The following IL37 variants were observed in gnomAD, a reference collection of about 807,000 sequenced individuals.
IL37 encodes interleukin 37, also known as interleukin-37.
Under a neutral mutation model 15.4 loss-of-function variants are expected in IL37, and 15 were observed. The ratio of observed to expected loss-of-function variants is 0.98; its 90% confidence interval spans 0.65 to 1.50. The LOEUF is 1.50. Ranked by LOEUF, IL37 falls within the 40% of genes most tolerant of loss-of-function variation. IL37 has a pLI of 0.00. For synonymous variants in IL37, 98 were observed against 97.4 expected (o/e 1.01, Z -0.03); for missense variants, 269 against 261.7 (o/e 1.03, Z -0.19).
chr2:112,918,609 C>T lies in IL37; in HGVS notation c.457C>T (p.Pro153Ser), dbSNP rs1386012955. Residue 153 changes from proline to serine, a missense_variant, in exon 6 of 6, where the codon CCC (proline) becomes TCC (serine). Coordinates refer to ENST00000263326, the MANE Select transcript of IL37 (RefSeq NM_014439.4). ...LAAQKESARR[P>S]FIFYRAQVGS... ...TGCCCAAAAGGAATCAGCACGCCGG[C>T]CCTTCATCTTTTATAGGGCTCAGGT... The T allele has an allele frequency of 6.2e-7, 1 of 1,613,612 alleles. No individual in the cohort carries two copies. The highest frequency in any genetic ancestry group is 1.3e-5 in the African/African-American group (1 of 75,028).
At chr2:112,915,832 G>A (rs564287755) in intron 3 of IL37, among the ~76,000 whole-genome samples, 1 of 152,324 alleles carries the variant, frequency 6.6e-6, no homozygotes, top group South Asian at 2.1e-4. Context: ...GGGAGGTGGA[G>A]GATCACGGGT....
rs747713648 is a variant in IL37 at position 112,918,626 on chromosome 2, G to A, written c.474G>A (p.Arg158=). 3 of 1,613,992 alleles carry A rather than the reference G, an allele frequency of 1.9e-6. No homozygotes were observed. The highest frequency in any genetic ancestry group is 2.5e-6 in the Non-Finnish European group (3 of 1,180,034). Residue 158 remains arginine (R), a synonymous_variant, in exon 6 of 6, where the codon AGG becomes AGA. Transcript: ENST00000263326. ...ESARRPFIFY[R]AQVGSWNMLE... ...CACGCCGGCCCTTCATCTTTTATAG[G>A]GCTCAGGTGGGCTCCTGGAACATGC...
At chr2:112,912,559 G>C (rs528672210) in intron 1 of IL37, among the ~76,000 whole-genome samples, 1 of 152,114 alleles carries the variant, frequency 6.6e-6, no homozygotes, top group Non-Finnish European at 1.5e-5. Context: ...TTGTAGCCTC[G>C]AAGCAGCCAG....
In IL37 at chr2:112,918,569, A is replaced by G. The variant is rs1242650552; in HGVS notation, c.417A>G (p.Lys139=). The G allele has an allele frequency of 1.2e-6, 2 of 1,610,238 alleles. No individual in the cohort carries two copies. Among genetic ancestry groups the G allele is most frequent in the Non-Finnish European group, 1.7e-6 (2 of 1,178,572 alleles). Residue 139 remains lysine, a synonymous_variant, in exon 6 of 6, where the codon AAA becomes AAG. Coordinates refer to ENST00000263326, the MANE Select transcript of IL37 (RefSeq NM_014439.4). ...SHPSLQLKKE[K]LMKLAAQKES... ...TCCCTTTTACCTCACAGAAGGAGAA[A>G]CTGATGAAGCTGGCTGCCCAAAAGG... is the stretch of plus-strand genomic sequence containing the variant.
rs753960899 is a variant in IL37, at chr2:112,913,786, C to G, written c.83-6C>G. ...CATATGCTAACCTCACTGCGTCTGA[C>G]TGCAGACCCGGCTGGAAGCCCCCTG... is the stretch of plus-strand genomic sequence containing the variant. On this transcript the variant is annotated splice_region_variant and splice_polypyrimidine_tract_variant and intron_variant, in intron 2 of 5. Transcript: ENST00000263326. 3.1e-6 allele frequency: 5 copies of G among 1,613,408 alleles called. No individual in the cohort carries two copies. In the East Asian group the frequency reaches 1.1e-4, roughly 36 times the overall value.
At chr2:112,916,393 G>A (rs1185007093) in intron 3 of IL37, among the ~76,000 whole-genome samples, 1 of 152,174 alleles carries the variant, frequency 6.6e-6, no homozygotes, top group South Asian at 2.1e-4. Flanking sequence ...ACTCTAGGCA[G>A]GCCTGGCCCA....
intron 3 of IL37, chr2:112,915,377 T>C: frequency 1.2e-6 from 1 of 811,956 alleles, no homozygotes; most frequent in African/African-American, 1.7e-5. Context: ...ATCCATGGTC[T>C]TAAAATGCCA....
rs200874954 is a variant in IL37, at chr2:112,917,286, T to C, written c.265+38T>C. The C allele has an allele frequency of 9.5e-5, 153 of 1,610,044 alleles. No homozygotes were observed. The East Asian group carries it at 3.1e-3, about 33-fold the overall frequency. On this transcript the variant is annotated intron_variant, in intron 4 of 5. Coordinates refer to ENST00000263326, the MANE Select transcript of IL37 (RefSeq NM_014439.4). Reference sequence around the variant, plus strand: ...TTTGGCTGTGTTTTCTGCCTCCACCTAGCAGGGGTAAGGCCTCCTGCTAGG... The same window carrying C: ...TTTGGCTGTGTTTTCTGCCTCCACCCAGCAGGGGTAAGGCCTCCTGCTAGG...
intron 3 of IL37, among the ~76,000 whole-genome samples, chr2:112,914,819 C>T (rs768827423): frequency 2.6e-5 from 4 of 152,192 alleles, no homozygotes; most frequent in East Asian, 1.9e-4. Flanking sequence ...GGTCCTCAAA[C>T]GTCAGCAGCA....
chr2:112,917,126 T>C lies in IL37; in HGVS notation c.146-3T>C. On this transcript the variant is annotated splice_polypyrimidine_tract_variant and splice_region_variant and intron_variant, in intron 3 of 5. Transcript: ENST00000263326. ...GTGTTGATATCTGGTGATATTGATCTAGGTCCAAAGGTGAAGAACTTAAAC... is the reference window on the plus strand; with the variant it reads ...GTGTTGATATCTGGTGATATTGATCCAGGTCCAAAGGTGAAGAACTTAAAC... 1 of 1,613,758 alleles carries C rather than the reference T, an allele frequency of 6.2e-7. No individual in the cohort carries two copies.
rs571756584 is a variant in IL37 at position 112,916,567 on chromosome 2, C to T, written c.146-562C>T. On this transcript the variant is annotated intron_variant, in intron 3 of 5. Coordinates refer to ENST00000263326, the MANE Select transcript of IL37 (RefSeq NM_014439.4). ...TTGCACCGTGCTGGGCTCCTGGGGG[C>T]TTCCTGCCTCCAACCCTCCCAACTC... Among the ~76,000 whole-genome samples the T allele has an allele frequency of 3.3e-5, 5 of 152,300 alleles. No individual in the cohort carries two copies. In the South Asian group the frequency reaches 1.0e-3, roughly 32 times the overall value.
intron 4 of IL37, 39 bp downstream of exon 4, chr2:112,917,287 A>G: frequency 6.2e-7 from 1 of 1,609,970 alleles, no homozygotes; most frequent in Non-Finnish European, 8.5e-7. Context: ...GCCTCCACCT[A>G]GCAGGGGTAA....
chr2:112,913,277 A>G (rs1258235034), intron 2 of IL37, among the ~76,000 whole-genome samples, 183 bp downstream of exon 2: 1 of 152,254 alleles, frequency 6.6e-6, no homozygotes, highest in Admixed American at 6.5e-5. Context: ...GCTTTGCTTC[A>G]GTGTCCAGGC....
chr2:112,914,361 G>C (rs1482455577), intron 3 of IL37, among the ~76,000 whole-genome samples: 1 of 152,166 alleles, frequency 6.6e-6, no homozygotes, highest in Non-Finnish European at 1.5e-5. Flanking sequence ...GAGATTCCCT[G>C]CCCTAGGTGA....
Position 112,913,800 on chromosome 2 carries a change from G to A in IL37, c.91G>A (p.Gly31Arg), listed in dbSNP as rs758875844. The change falls in exon 3 of 6, where the codon GGA (glycine) becomes AGA (arginine). Residue 31 changes from glycine to arginine, a missense_variant. Gly to Arg is a moderately radical substitution (Grantham distance 125). Coordinates refer to ENST00000263326, the MANE Select transcript of IL37 (RefSeq NM_014439.4). ...ACTGCGTCTGACTGCAGACCCGGCT[G>A]GAAGCCCCCTGGAACCAGGCCCAAG... is the stretch of plus-strand genomic sequence containing the variant. ...EPQCCLEDPA[G>R]SPLEPGPSLP... is the part of the protein sequence containing the mutation. The A allele has an allele frequency of 3.1e-6, 5 of 1,613,490 alleles. No homozygotes were observed. Among genetic ancestry groups the A allele is most frequent in the Non-Finnish European group, 3.4e-6 (4 of 1,179,566 alleles).
intron 5 of IL37, 70 bp from the exon 6 acceptor site, chr2:112,918,491 T>G: frequency 6.6e-7 from 1 of 1,510,210 alleles, no homozygotes; most frequent in Non-Finnish European, 8.9e-7. Context: ...GCCTGGAGGA[T>G]GAGCACATGT....
Position 112,917,693 on chromosome 2 carries a change from G to A in IL37, c.324G>A (p.Pro108=), listed in dbSNP as rs150018952. ...LSSASAEKGS[P]ILLGVSKGEF... Reference sequence around the variant, plus strand: ...CAGCCTCTGCGGAGAAAGGAAGTCCGATTCTCCTGGGGGTCTCTAAAGGGG... The same window carrying A: ...CAGCCTCTGCGGAGAAAGGAAGTCCAATTCTCCTGGGGGTCTCTAAAGGGG... The change falls in exon 5 of 6, where the codon CCG becomes CCA. Residue 108 remains proline, a synonymous_variant. Transcript: ENST00000263326. 6.2e-6 allele frequency: 10 copies of A among 1,611,180 alleles called. No individual in the cohort carries two copies. The highest frequency in any genetic ancestry group is 1.7e-4 in the Middle Eastern group (1 of 5,996).
At chr2:112,913,673 C>T in intron 2 of IL37, 119 bp from the exon 3 acceptor site, 1 of 756,134 alleles carries the variant, frequency 1.3e-6, no homozygotes, top group Non-Finnish European at 2.3e-6. Context: ...TCATTACTAT[C>T]ATGCTGCTCT....
At chr2:112,916,798 CCT>C (rs1378492467) in intron 3 of IL37, among the ~76,000 whole-genome samples, 1 of 152,234 alleles carries the variant, frequency 6.6e-6, no homozygotes, top group African/African-American at 2.4e-5. Flanking sequence ...TCTCATAACT[CCT>C]CTCTCAAGTA....
Sources: gnomAD v4.1 joint callset for allele counts (sites outside exome capture counted in the v4.1 genomes callset) on GRCh38, gnomAD v4.1.1 for gene constraint, MANE v1.5 for transcripts, NCBI Gene and HGNC (gene_info 2026-07-23, HGNC 2026-07-21) for gene names.